Variants in ZNF536 observed in about 807,000 individuals in gnomAD.
The protein encoded by ZNF536 is zinc finger protein 536.
Under a neutral mutation model 84.5 loss-of-function variants are expected in ZNF536, and 13 were observed. That is an observed-to-expected ratio of 0.15 (90% confidence interval 0.10 to 0.24). The LOEUF (loss-of-function observed/expected upper bound fraction) is 0.24. Among genes scored for constraint, ZNF536 ranks in the 10% least tolerant of loss-of-function variants. ZNF536 has a pLI of 1.00. For synonymous variants in ZNF536, 811 were observed against 742.5 expected (o/e 1.09, Z -1.50); for missense variants, 1,536 against 1,747.5 (o/e 0.88, Z 2.16).
intron 1 of ZNF536, among the ~76,000 whole-genome samples, chr19:30,374,890 C>T (rs1474723376): frequency 6.6e-6 from 1 of 151,546 alleles, no homozygotes; most frequent in African/African-American, 2.4e-5. Context: ...GCCTGCCGCC[C>T]GCGAGCCGGA....
At chr19:30,350,702 G>A (rs543077981) in intron 2 of ZNF536, among the ~76,000 whole-genome samples, 1 of 152,300 alleles carries the variant, frequency 6.6e-6, no homozygotes, top group South Asian at 2.1e-4. Context: ...TGGAAAATAA[G>A]CTGAAATTTA....
chr19:30,264,442 C>T (rs531725049), intron 1 of ZNF536, among the ~76,000 whole-genome samples: 2 of 142,336 alleles, frequency 1.4e-5, no homozygotes, highest in African/African-American at 5.3e-5. Context: ...TTCGTGTGCA[C>T]GCATGTGTGT....
At chr19:30,352,198 C>T (rs935918026) in intron 2 of ZNF536, among the ~76,000 whole-genome samples, 8 of 152,206 alleles carry the variant, frequency 5.3e-5, no homozygotes, top group African/African-American at 1.7e-4. Context: ...GTCTACAGCA[C>T]GTCACCGGTG....
intron 1 of ZNF536, among the ~76,000 whole-genome samples, chr19:30,384,169 CCTT>C (rs2049218954): frequency 9.3e-6 from 1 of 107,644 alleles, no homozygotes. Context: ...TCTTTCGTTT[CCTT>C]CTTTCTTTCT....
intron 2 of ZNF536, among the ~76,000 whole-genome samples, chr19:30,501,366 G>C (rs1299810284): frequency 6.6e-6 from 1 of 152,198 alleles, no homozygotes; most frequent in Admixed American, 6.5e-5. Flanking sequence ...ATTCAACCCA[G>C]CATTGTCTGA....
chr19:30,509,802 C>T (rs533717835), intron 2 of ZNF536, among the ~76,000 whole-genome samples: 15 of 152,294 alleles, frequency 9.8e-5, no homozygotes, highest in African/African-American at 3.6e-4. Flanking sequence ...ATATCTGATC[C>T]GAAGTACAAT....
chr19:30,350,884 C>T (rs1225520034), intron 2 of ZNF536, among the ~76,000 whole-genome samples: 3 of 152,180 alleles, frequency 2.0e-5, no homozygotes, highest in Non-Finnish European at 4.4e-5. Flanking sequence ...AGGCTATACA[C>T]ACAATGGTGC....
chr19:30,382,967 A>G (rs770923185), intron 1 of ZNF536, among the ~76,000 whole-genome samples: 3 of 152,208 alleles, frequency 2.0e-5, no homozygotes, highest in Non-Finnish European at 4.4e-5. Flanking sequence ...CACAATTAAA[A>G]TCAAATATAT....
chr19:30,635,557 C>T (rs1265655652), intron 1 of ZNF536, among the ~76,000 whole-genome samples: 1 of 152,172 alleles, frequency 6.6e-6, no homozygotes, highest in African/African-American at 2.4e-5. Context: ...GGAGCAAGGG[C>T]TGCCTGCAAG....
intron 1 of ZNF536, among the ~76,000 whole-genome samples, chr19:30,406,561 G>A (rs2050268750): frequency 6.6e-6 from 1 of 152,150 alleles, no homozygotes; most frequent in Admixed American, 6.5e-5. Flanking sequence ...TTAGCTCCAA[G>A]CATTGAGGAA....
At chr19:30,609,629 T>C (rs1210507489) in intron 1 of ZNF536, among the ~76,000 whole-genome samples, 1 of 152,246 alleles carries the variant, frequency 6.6e-6, no homozygotes, top group African/African-American at 2.4e-5. Context: ...TAATGAAGCT[T>C]GTATAGTTAG....
At chr19:30,260,139 T>C (rs553500620) in intron 1 of ZNF536, among the ~76,000 whole-genome samples, 1 of 152,314 alleles carries the variant, frequency 6.6e-6, no homozygotes, top group East Asian at 1.9e-4. Context: ...AGTTGATCAT[T>C]AGAATCTTGA....
intron 1 of ZNF536, among the ~76,000 whole-genome samples, chr19:30,408,603 G>A (rs989078544): frequency 1.3e-5 from 2 of 152,176 alleles, no homozygotes; most frequent in African/African-American, 4.8e-5. Context: ...GAGGGCACAG[G>A]AAGTAAGTGG....
intron 1 of ZNF536, among the ~76,000 whole-genome samples, chr19:30,656,532 ATGT>A (rs1302534482): frequency 1.3e-5 from 2 of 152,136 alleles, no homozygotes; most frequent in African/African-American, 2.4e-5. Flanking sequence ...TTGGCTGTCA[ATGT>A]TGTTGTGTGT....
intron 1 of ZNF536, among the ~76,000 whole-genome samples, chr19:30,625,330 T>C (rs908573072): frequency 6.6e-6 from 1 of 152,188 alleles, no homozygotes; most frequent in African/African-American, 2.4e-5. Flanking sequence ...ATCACCTATT[T>C]GGATTTTCCC....
chr19:30,558,154 G>A (rs1338476475), downstream of ZNF536: 1 of 152,208 alleles, frequency 6.6e-6, no homozygotes. Flanking sequence ...GACATTCAGG[G>A]AATGCCATTG....
chr19:30,513,672 C>T (rs912227118), intron 2 of ZNF536, among the ~76,000 whole-genome samples: 1 of 152,082 alleles, frequency 6.6e-6, no homozygotes. Flanking sequence ...TCTACCAGGT[C>T]CTCCACTCTA....
chr19:30,708,172 G>A (rs991422638), intron 1 of ZNF536, among the ~76,000 whole-genome samples: 2 of 136,842 alleles, frequency 1.5e-5, no homozygotes, highest in African/African-American at 5.1e-5. Flanking sequence ...AGGAATTCAC[G>A]GCCTTTTTGG....
Position 30,640,788 on chromosome 19 carries a change from T to A in ZNF536, c.170-69969T>A, listed in dbSNP as rs981547235. Among the ~76,000 whole-genome samples, 3 of 152,254 alleles carry A rather than the reference T, an allele frequency of 2.0e-5. No individual in the cohort carries two copies. The East Asian group carries it at 5.8e-4, about 29-fold the overall frequency. On this transcript the variant is annotated intron_variant, in intron 1 of 1. Transcript: ENST00000592773. ...GAGGCACATTCAAAGGACATTCATTTCTTATGCAGCATTTACTAAGATGTT... is the reference window on the plus strand; with the variant it reads ...GAGGCACATTCAAAGGACATTCATTACTTATGCAGCATTTACTAAGATGTT...
Sources: gnomAD v4.1 joint callset for allele counts (sites outside exome capture counted in the v4.1 genomes callset) on GRCh38, gnomAD v4.1.1 for gene constraint, MANE v1.5 for transcripts, NCBI Gene and HGNC (gene_info 2026-07-23, HGNC 2026-07-21) for gene names.